The following C22orf23 variants were observed in gnomAD, a reference collection of about 807,000 sequenced individuals.
The protein encoded by C22orf23 is UPF0193 protein EVG1.
C22orf23 carries 30 observed loss-of-function variants against 29.7 expected under a neutral mutation model. The observed-to-expected ratio is 1.01, with a 90% CI of 0.76 to 1.37. C22orf23 has a LOEUF of 1.37. Ranked by LOEUF, C22orf23 falls within the 40% of genes most tolerant of loss-of-function variation. C22orf23 has a pLI of 0.00. For missense variants in C22orf23, 237 were observed against 273.1 expected (o/e 0.87, Z 0.93); for synonymous variants, 90 against 96.1 (o/e 0.94, Z 0.37).
rs199822431 is a variant in C22orf23 at position 37,945,031 on chromosome 22, C to G, written c.481+11G>C. On this transcript the variant is annotated intron_variant, in intron 5 of 6. Coordinates refer to ENST00000403305, the MANE Select transcript of C22orf23 (RefSeq NM_032561.5). Reference sequence around the variant, plus strand: ...CCCACCCCCAGCATGACTGGTCCGTCGGAGTCTTACGCTCTTCAAATCGGT... The same window carrying G: ...CCCACCCCCAGCATGACTGGTCCGTGGGAGTCTTACGCTCTTCAAATCGGT... 55 of 1,592,442 alleles carry G rather than the reference C, an allele frequency of 3.5e-5. No individual in the cohort carries two copies. The highest frequency in any genetic ancestry group is 4.7e-5 in the Non-Finnish European group (55 of 1,172,026).
At chr22:37,944,347 G>A in intron 6 of C22orf23, 70 bp downstream of exon 6, 3 of 1,613,404 alleles carry the variant, frequency 1.9e-6, no homozygotes, top group Non-Finnish European at 2.5e-6. Context: ...TGCCACAGCA[G>A]ACCCTGTATT....
chr22:37,951,290 A>G, intron 3 of C22orf23, 170 bp downstream of exon 3: 1 of 609,458 alleles, frequency 1.6e-6, no homozygotes, highest in East Asian at 2.8e-5. Context: ...TCCTGGGCTT[A>G]AGCCATCCTC....
At chr22:37,944,566 G>T (rs201924428) in intron 5 of C22orf23, 49 bp from the exon 6 acceptor site, 3 of 1,512,660 alleles carry the variant, frequency 2.0e-6, no homozygotes. Flanking sequence ...TGCAGGCAGC[G>T]GGTTGCCTCT....
chr22:37,944,677 G>A (rs1930588013), intron 5 of C22orf23, 160 bp from the exon 6 acceptor site: 1 of 624,530 alleles, frequency 1.6e-6, no homozygotes, highest in Non-Finnish European at 2.8e-6. Context: ...AAGGCAGGTG[G>A]ATCACGAGGT....
intron 3 of C22orf23, chr22:37,951,160 C>T (rs888106869): frequency 5.0e-5 from 11 of 218,202 alleles, no homozygotes; most frequent in African/African-American, 1.8e-4. Flanking sequence ...TGCAGTGAGC[C>T]GAGATTGCGC....
chr22:37,951,556 G>T lies in C22orf23; in HGVS notation c.104-34C>A, dbSNP rs762703519. ...CAAAGCATTCTATGAGGCCTCTTGG[G>T]CTGCAGGCGGATGCCTTCACCTGAC... On this transcript the variant is annotated intron_variant, in intron 2 of 6. Coordinates refer to ENST00000403305, the MANE Select transcript of C22orf23 (RefSeq NM_032561.5). 4 of 1,602,502 alleles carry T rather than the reference G, an allele frequency of 2.5e-6. 1 individual carries two copies. In the Admixed American group the frequency reaches 6.7e-5, roughly 27 times the overall value.
intron 4 of C22orf23, among the ~76,000 whole-genome samples, chr22:37,945,499 T>C (rs1930642409): frequency 7.2e-6 from 1 of 139,006 alleles, no homozygotes; most frequent in Non-Finnish European, 1.5e-5. Flanking sequence ...TTCTTCTTTT[T>C]TTTTTTTTTT....
rs745981611 is a variant in C22orf23 at position 37,953,174 on chromosome 22, C to G, written c.-9-16G>C. 6.6e-7 allele frequency: 1 copy of G among 1,518,718 alleles called. No homozygotes were observed. The highest frequency in any genetic ancestry group is 9.1e-7 in the Non-Finnish European group (1 of 1,094,808). 94.1% of individuals were successfully genotyped at this position (1,518,718 alleles called of 1,614,324 possible). A position where few individuals can be genotyped will look rare whatever the true frequency, so the allele number is the denominator to read the frequency against. The stretch of plus-strand genomic sequence containing the variant: ...TGGGAGGACTCTGAGGAGGGAAAGA[C>G]GCAATGACACACCCCCTGTCTCCTG... On this transcript the variant is annotated splice_polypyrimidine_tract_variant and intron_variant, in intron 1 of 6. Coordinates refer to ENST00000403305, the MANE Select transcript of C22orf23 (RefSeq NM_032561.5).
chr22:37,951,304 C>G (rs1569158010), intron 3 of C22orf23, 156 bp downstream of exon 3: 1 of 670,742 alleles, frequency 1.5e-6, no homozygotes, highest in Non-Finnish European at 2.6e-6. Flanking sequence ...CATCCTCCCA[C>G]CTCAGCCTCC....
At chr22:37,951,636 C>T in intron 2 of C22orf23, 114 bp from the exon 3 acceptor site, 1 of 748,676 alleles carries the variant, frequency 1.3e-6, no homozygotes, top group Non-Finnish European at 2.2e-6. Context: ...CTGAGCATGC[C>T]TTCTCTATCT....
chr22:37,953,182 C>T (rs1931175197), intron 1 of C22orf23, 24 bp from the exon 2 acceptor site: 1 of 1,496,916 alleles, frequency 6.7e-7, no homozygotes, highest in Admixed American at 1.7e-5. Flanking sequence ...GACGCAATGA[C>T]ACACCCCCTG....
intron 2 of C22orf23, among the ~76,000 whole-genome samples, chr22:37,951,984 T>C (rs1402467333): frequency 2.0e-5 from 3 of 151,616 alleles, no homozygotes; most frequent in African/African-American, 7.3e-5. Flanking sequence ...CCCGGCTAAT[T>C]TTGTACTTTT....
chr22:37,953,348 C>A, intron 1 of C22orf23, 100 bp downstream of exon 1: 1 of 580,742 alleles, frequency 1.7e-6, no homozygotes, highest in Non-Finnish European at 3.1e-6. Context: ...CTCATTCTGA[C>A]CCAGCGCCTG....
At chr22:37,950,615 A>C (rs1930954970) in intron 3 of C22orf23, among the ~76,000 whole-genome samples, 1 of 151,604 alleles carries the variant, frequency 6.6e-6, no homozygotes, top group South Asian at 2.1e-4. Flanking sequence ...TAATTTTAAA[A>C]AATTTTGGGG....
chr22:37,945,789 G>A (rs1428587656), intron 4 of C22orf23, among the ~76,000 whole-genome samples: 3 of 128,218 alleles, frequency 2.3e-5, no homozygotes, highest in Non-Finnish European at 3.2e-5. Flanking sequence ...GAGCCATCAC[G>A]CCTGACCGAT....
chr22:37,945,103 T>G lies in C22orf23; in HGVS notation c.420A>C (p.Lys140Asn). The change falls in exon 5 of 7, where the codon AAA (lysine) becomes AAC (asparagine). Residue 140 changes from lysine (K) to asparagine (N), a missense_variant. Transcript: ENST00000403305. The part of the protein sequence containing the change: ...FATGKDMEER[K>N]RKAPPARQKA... ...TCTGTCGTGCAGGAGGGGCCTTTCT[T>G]TTCCGTTCCTCCATGTCCTTCCCTG... 6.2e-7 allele frequency: 1 copy of G among 1,613,846 alleles called. No homozygotes were observed. Among genetic ancestry groups the G allele is most frequent in the Non-Finnish European group, 8.5e-7 (1 of 1,179,906 alleles).
chr22:37,947,488 G>A, intron 3 of C22orf23, 25 bp from the exon 4 acceptor site: 2 of 1,485,062 alleles, frequency 1.3e-6, no homozygotes, highest in Non-Finnish European at 9.0e-7. Context: ...GTTGGGGTGG[G>A]AGGACCCACA....
At chr22:37,945,335 G>A (rs1243281149) in intron 4 of C22orf23, among the ~76,000 whole-genome samples, 162 bp from the exon 5 acceptor site, 2 of 152,100 alleles carry the variant, frequency 1.3e-5, no homozygotes, top group South Asian at 2.1e-4. Context: ...ATACTGTACT[G>A]TCAAGAGAGG....
chr22:37,944,898 C>G (rs1930602518), intron 5 of C22orf23, 144 bp downstream of exon 5: 1 of 916,634 alleles, frequency 1.1e-6, no homozygotes, highest in African/African-American at 1.7e-5. Flanking sequence ...AAGACTGTCT[C>G]AAAATAAATA....
Sources: allele counts gnomAD v4.1 joint callset (sites outside exome capture counted in the v4.1 genomes callset), GRCh38; gene constraint gnomAD v4.1.1; transcripts MANE v1.5; gene names NCBI Gene and HGNC (gene_info 2026-07-23, HGNC 2026-07-21).